SLC24A2: variants seen among roughly 807,000 people sequenced by gnomAD.
The protein encoded by SLC24A2 is solute carrier family 24 member 2.
In SLC24A2, 36 loss-of-function variants were observed where a neutral mutation model predicts 62.0. The ratio of observed to expected loss-of-function variants is 0.58; its 90% CI spans 0.44 to 0.77. SLC24A2 has a LOEUF of 0.77. Among genes scored for constraint, SLC24A2 ranks in the 30% least tolerant of loss-of-function variants. SLC24A2 has a pLI of 0.00. For missense variants in SLC24A2, 846 were observed against 817.9 expected (o/e 1.03, Z -0.42); for synonymous variants, 358 against 294.0 (o/e 1.22, Z -2.23).
upstream of SLC24A2, among the ~76,000 whole-genome samples, chr9:19,794,033 A>T (rs1823349473): frequency 6.6e-6 from 1 of 152,172 alleles, no homozygotes; most frequent in East Asian, 1.9e-4. Context: ...TTTTCAGTGC[A>T]ATGAGAACCA....
chr9:20,292,277 A>G, the SLC24A2 span, among the ~76,000 whole-genome samples: 1 of 152,246 alleles, frequency 6.6e-6, no homozygotes, highest in Non-Finnish European at 1.5e-5. Context: ...CTGGAATGTT[A>G]TTACAGAATC....
At chr9:20,273,490 G>T in the SLC24A2 span, among the ~76,000 whole-genome samples, 5 of 152,274 alleles carry the variant, frequency 3.3e-5, no homozygotes, top group African/African-American at 1.2e-4. Context: ...ATTGAATCAT[G>T]GAGGCGAGTC....
the SLC24A2 span, among the ~76,000 whole-genome samples, chr9:19,883,553 A>G: frequency 2.1e-5 from 3 of 140,880 alleles, no homozygotes; most frequent in Non-Finnish European, 4.5e-5. Context: ...CATCTGTAAA[A>G]TGATGTTTCT....
At chr9:20,094,923 G>A in the SLC24A2 span, among the ~76,000 whole-genome samples, 102 of 152,170 alleles carry the variant, frequency 6.7e-4, 1 homozygote, top group East Asian at 0.017. Context: ...TTTCAAAGTT[G>A]CCACTTTTCA....
the SLC24A2 span, among the ~76,000 whole-genome samples, chr9:19,909,991 A>G: frequency 6.6e-6 from 1 of 152,114 alleles, no homozygotes; most frequent in African/African-American, 2.4e-5. Context: ...TTCACTCAAA[A>G]TAATATTTAT....
chr9:20,099,909 C>T, the SLC24A2 span, among the ~76,000 whole-genome samples: 191 of 152,306 alleles, frequency 1.3e-3, no homozygotes, highest in African/African-American at 4.5e-3. Flanking sequence ...CACAAGTCTC[C>T]TTTAATAACC....
At chr9:19,768,228 C>T (rs559977046) in intron 2 of SLC24A2, among the ~76,000 whole-genome samples, 3 of 152,284 alleles carry the variant, frequency 2.0e-5, no homozygotes, top group Admixed American at 2.0e-4. Flanking sequence ...CTATATTTTT[C>T]TTCCAGCTTC....
At chr9:19,914,595 C>G in the SLC24A2 span, among the ~76,000 whole-genome samples, 6 of 152,102 alleles carry the variant, frequency 3.9e-5, no homozygotes, top group African/African-American at 1.4e-4. Context: ...CTATTCTGAG[C>G]CAGGCAGAGG....
intron 2 of SLC24A2, among the ~76,000 whole-genome samples, chr9:19,633,563 C>G (rs1271458393): frequency 6.6e-6 from 1 of 152,164 alleles, no homozygotes; most frequent in Non-Finnish European, 1.5e-5. Context: ...AAGACAGTGT[C>G]TCACTATGTT....
chr9:20,156,614 T>C, the SLC24A2 span, among the ~76,000 whole-genome samples: 1 of 151,716 alleles, frequency 6.6e-6, no homozygotes, highest in African/African-American at 2.4e-5. Context: ...TCTCCAGTAA[T>C]TCAGAAAAAG....
the SLC24A2 span, among the ~76,000 whole-genome samples, chr9:19,988,966 T>A: frequency 4.5e-4 from 68 of 152,180 alleles, no homozygotes; most frequent in Non-Finnish European, 7.5e-4. Context: ...GGAAGCTAAC[T>A]TTCTTAAGTG....
chr9:19,754,644 G>A (rs1370364315), intron 2 of SLC24A2, among the ~76,000 whole-genome samples: 1 of 141,164 alleles, frequency 7.1e-6, no homozygotes. Context: ...AATCATGGGA[G>A]GATTTTTTTT....
chr9:19,575,246 T>C (rs1835972560), intron 6 of SLC24A2, among the ~76,000 whole-genome samples: 1 of 152,344 alleles, frequency 6.6e-6, no homozygotes, highest in East Asian at 1.9e-4. Flanking sequence ...TGCCAGTTTA[T>C]CTTAGTATGC....
At chr9:19,831,150 C>G in the SLC24A2 span, among the ~76,000 whole-genome samples, 2 of 152,312 alleles carry the variant, frequency 1.3e-5, no homozygotes, top group African/African-American at 4.8e-5. Flanking sequence ...GGCCACATCT[C>G]TTGATACTAT....
the SLC24A2 span, among the ~76,000 whole-genome samples, chr9:20,160,321 CAT>C: frequency 2.0e-5 from 3 of 151,290 alleles, no homozygotes; most frequent in African/African-American, 7.3e-5. Context: ...CAAGGAGAAA[CAT>C]AGAAAAACAC....
the SLC24A2 span, among the ~76,000 whole-genome samples, chr9:20,000,608 CTCA>C: frequency 6.6e-6 from 1 of 152,218 alleles, no homozygotes; most frequent in African/African-American, 2.4e-5. Context: ...AGATCAGGAA[CTCA>C]CGACACATGG....
At chr9:20,185,782 C>G in the SLC24A2 span, among the ~76,000 whole-genome samples, 1 of 152,178 alleles carries the variant, frequency 6.6e-6, no homozygotes, top group South Asian at 2.1e-4. Context: ...GACTCAAGCA[C>G]TCTAAAGTTT....
chr9:20,051,472 A>T, the SLC24A2 span, among the ~76,000 whole-genome samples: 98 of 152,142 alleles, frequency 6.4e-4, no homozygotes, highest in East Asian at 0.017. Context: ...AGATGTCAAC[A>T]ACATGATTAG....
chr9:20,022,026 A>T, the SLC24A2 span, among the ~76,000 whole-genome samples: 1 of 152,128 alleles, frequency 6.6e-6, no homozygotes, highest in Non-Finnish European at 1.5e-5. Context: ...TAAAATCCTG[A>T]TTTAATTTAC....
Sources: gnomAD v4.1 joint callset for allele counts (sites outside exome capture counted in the v4.1 genomes callset) on GRCh38, gnomAD v4.1.1 for gene constraint, MANE v1.5 for transcripts, NCBI Gene and HGNC (gene_info 2026-07-23, HGNC 2026-07-21) for gene names.